FSTL4: variants seen among roughly 807,000 people sequenced by gnomAD.
FSTL4 encodes follistatin like 4.
A neutral mutation model predicts 78.2 loss-of-function variants in FSTL4; 28 were observed. That is an observed-to-expected ratio of 0.36 (90% CI 0.27 to 0.49). FSTL4 has a LOEUF of 0.49. FSTL4 is among the 20% of genes least tolerant of loss of function. FSTL4 has a pLI of 0.98. For missense variants in FSTL4, 922 were observed against 1,084.9 expected (o/e 0.85, Z 2.11); for synonymous variants, 422 against 440.5 (o/e 0.96, Z 0.53).
At chr5:133,463,137 G>T in intron 3 of FSTL4, among the ~76,000 whole-genome samples, 1 of 152,234 alleles carries the variant, frequency 6.6e-6, no homozygotes, top group East Asian at 1.9e-4. Context: ...CTTAGTGACT[G>T]TGTGTCAGGC....
At chr5:133,264,160 A>ACAGAACAGAACACATGGAGAATTCTTT (rs1270221125) in intron 6 of FSTL4, among the ~76,000 whole-genome samples, 5 of 152,222 alleles carry the variant, frequency 3.3e-5, no homozygotes, top group Non-Finnish European at 7.3e-5. Context: ...TACACAGAAC[A>ACAGAACAGAACACATGGAGAATTCTTT]GTCTCCATGA....
the FSTL4 span, among the ~76,000 whole-genome samples, chr5:133,619,688 A>G: frequency 1.3e-5 from 2 of 152,214 alleles, no homozygotes; most frequent in Non-Finnish European, 2.9e-5. Context: ...TCCTAATTGC[A>G]GTAAATAAAA....
the FSTL4 span, among the ~76,000 whole-genome samples, chr5:133,691,280 A>G: frequency 4.9e-4 from 75 of 152,340 alleles, no homozygotes; most frequent in Non-Finnish European, 8.1e-4. Context: ...TGGATCAGAA[A>G]TACATAATTG....
At position 133,312,648 on chromosome 5, in the gene FSTL4, A is replaced by C; in HGVS notation, c.727+6T>G. ...TAAGCCCTTTTCCCACTGGGACCCA[A>C]CTTACGGAAGGCCATGTAGAACTCG... On this transcript the variant is annotated splice_donor_region_variant and intron_variant, in intron 6 of 15. Coordinates refer to ENST00000265342, the MANE Select transcript of FSTL4 (RefSeq NM_015082.2). 1 of 1,613,932 alleles carries C rather than the reference A, an allele frequency of 6.2e-7. No homozygotes were observed. Among genetic ancestry groups the C allele is most frequent in the Non-Finnish European group, 8.5e-7 (1 of 1,179,920 alleles).
chr5:133,295,668 TA>T, intron 6 of FSTL4, among the ~76,000 whole-genome samples: 1 of 152,110 alleles, frequency 6.6e-6, no homozygotes, highest in East Asian at 1.9e-4. Context: ...AAATGACTAA[TA>T]CAAGTCTCTT....
intron 3 of FSTL4, among the ~76,000 whole-genome samples, chr5:133,423,363 G>C (rs560321756): frequency 6.6e-6 from 1 of 152,338 alleles, no homozygotes; most frequent in South Asian, 2.1e-4. Flanking sequence ...AGGAGCTGGA[G>C]AAGGCCCATC....
chr5:133,719,133 T>G, the FSTL4 span, among the ~76,000 whole-genome samples: 1 of 152,150 alleles, frequency 6.6e-6, no homozygotes, highest in African/African-American at 2.4e-5. Flanking sequence ...CAAGTCAGAG[T>G]AGTAATTATT....
At chr5:133,546,917 G>A (rs2112924622) in intron 3 of FSTL4, among the ~76,000 whole-genome samples, 1 of 152,242 alleles carries the variant, frequency 6.6e-6, no homozygotes, top group Middle Eastern at 3.4e-3. Context: ...GAATACAAGA[G>A]ATATGGGGGC....
chr5:133,606,264 G>A (rs1252909396), intron 1 of FSTL4, among the ~76,000 whole-genome samples: 1 of 152,170 alleles, frequency 6.6e-6, no homozygotes, highest in Non-Finnish European at 1.5e-5. Context: ...GGGATGACAG[G>A]CATGCGCCAC....
chr5:133,650,434 AT>A, the FSTL4 span, among the ~76,000 whole-genome samples: 1 of 152,194 alleles, frequency 6.6e-6, no homozygotes, highest in African/African-American at 2.4e-5. Context: ...ATAAATTTGC[AT>A]TTTAAATGTA....
intron 3 of FSTL4, among the ~76,000 whole-genome samples, chr5:133,519,906 C>G (rs753075907): frequency 2.6e-5 from 4 of 152,122 alleles, no homozygotes; most frequent in Non-Finnish European, 4.4e-5. Flanking sequence ...AGGCGAGCTA[C>G]AGAAGATTGA....
At chr5:133,816,648 T>A in the FSTL4 span, among the ~76,000 whole-genome samples, 2 of 152,178 alleles carry the variant, frequency 1.3e-5, no homozygotes, top group East Asian at 3.9e-4. Flanking sequence ...GAGTAACAGA[T>A]AAAATATTGT....
intron 4 of FSTL4, among the ~76,000 whole-genome samples, chr5:133,390,821 T>A (rs1041008705): frequency 1.3e-5 from 2 of 152,150 alleles, no homozygotes; most frequent in African/African-American, 4.8e-5. Context: ...CTCCTCCCTC[T>A]CTTTGGAGAA....
intron 3 of FSTL4, among the ~76,000 whole-genome samples, chr5:133,554,445 CA>C (rs1759750361): frequency 6.6e-6 from 1 of 152,236 alleles, no homozygotes; most frequent in African/African-American, 2.4e-5. Context: ...TAATAGATGT[CA>C]AACAGCATTT....
At chr5:133,372,269 G>GTATGTATGTATGTATCTATC (rs143392836) in intron 4 of FSTL4, among the ~76,000 whole-genome samples, 1 of 142,926 alleles carries the variant, frequency 7.0e-6, no homozygotes. Context: ...ATGTATGTAT[G>GTATGTATGTATGTATCTATC]TATCTATCTA....
chr5:133,489,214 G>C (rs866100779), intron 3 of FSTL4, among the ~76,000 whole-genome samples: 5 of 152,328 alleles, frequency 3.3e-5, no homozygotes, highest in Middle Eastern at 6.8e-3. Flanking sequence ...ACCTTCTGTG[G>C]GGCATCTGCC....
At chr5:133,780,706 A>G in the FSTL4 span, among the ~76,000 whole-genome samples, 1 of 152,042 alleles carries the variant, frequency 6.6e-6, no homozygotes, top group Non-Finnish European at 1.5e-5. Flanking sequence ...ATTCCTTACA[A>G]CCCATTTAAT....
At chr5:133,533,797 G>A (rs1759301822) in intron 3 of FSTL4, among the ~76,000 whole-genome samples, 1 of 152,080 alleles carries the variant, frequency 6.6e-6, no homozygotes, top group Non-Finnish European at 1.5e-5. Context: ...AGAGTGGGTG[G>A]TGGATCTAAG....
At chr5:133,638,576 C>T in the FSTL4 span, among the ~76,000 whole-genome samples, 1 of 152,162 alleles carries the variant, frequency 6.6e-6, no homozygotes, top group Non-Finnish European at 1.5e-5. Flanking sequence ...CCCTCCTCTT[C>T]CAGACCCTGC....
Sources: allele counts gnomAD v4.1 joint callset (sites outside exome capture counted in the v4.1 genomes callset), GRCh38; gene constraint gnomAD v4.1.1; transcripts MANE v1.5; gene names NCBI Gene and HGNC (gene_info 2026-07-23, HGNC 2026-07-21).